The following GOLGA5 variants were observed in gnomAD, a reference collection of about 807,000 sequenced individuals.
GOLGA5 encodes the protein golgin subfamily A member 5.
In GOLGA5, 50 loss-of-function variants were observed where a neutral mutation model predicts 93.5. The observed-to-expected ratio is 0.53, with a 90% CI of 0.43 to 0.68. The LOEUF is 0.68. GOLGA5 is among the 30% of genes least tolerant of loss of function. The pLI, the probability that GOLGA5 is intolerant of heterozygous loss-of-function variation, is 0.00. For missense variants in GOLGA5, 760 were observed against 856.4 expected, an observed-to-expected ratio of 0.89 and a Z score of 1.40; for synonymous variants, 312 against 304.5, an observed-to-expected ratio of 1.02 and a Z score of -0.26.
At chr14:92,823,648 C>T (rs1369730174) in intron 8 of GOLGA5, among the ~76,000 whole-genome samples, 1 of 152,064 alleles carries the variant, frequency 6.6e-6, no homozygotes, top group Non-Finnish European at 1.5e-5. Flanking sequence ...CTCCTGGACT[C>T]AAGCAATTCA....
At chr14:92,838,638 T>C (rs7151752) in intron 12 of GOLGA5, among the ~76,000 whole-genome samples, 112,163 of 152,018 alleles carry the variant, frequency 0.74, 41,823 homozygotes, top group East Asian at 0.85. Context: ...AGTGCTGGGA[T>C]TACAGGTGTG....
At chr14:92,806,319 A>T (rs1566953821) in intron 2 of GOLGA5, among the ~76,000 whole-genome samples, 1 of 151,772 alleles carries the variant, frequency 6.6e-6, no homozygotes, top group Admixed American at 6.6e-5. Context: ...TTATTTATGT[A>T]TTTTTTTTGA....
chr14:92,815,484 C>G (rs927501764), intron 6 of GOLGA5, among the ~76,000 whole-genome samples: 16 of 152,030 alleles, frequency 1.1e-4, no homozygotes, highest in African/African-American at 3.9e-4. Context: ...CACTTAGCAC[C>G]ATTTACTTGT....
chr14:92,808,872 A>T (rs571998019), intron 3 of GOLGA5, among the ~76,000 whole-genome samples: 1 of 152,318 alleles, frequency 6.6e-6, no homozygotes, highest in African/African-American at 2.4e-5. Flanking sequence ...CAAAAGAATA[A>T]CATCTTTTTG....
At position 92,837,629 on chromosome 14, in the gene GOLGA5, T is replaced by G. The variant is rs975236066; in HGVS notation, c.2115+180T>G. ...CTGAGGCTGGAGTTCAGTGGTGCAG[T>G]CTTGGCTCACTGCAGCCTCTACCTC... On this transcript the variant is annotated intron_variant, in intron 12 of 12. Transcript: ENST00000163416. 5.3e-5 allele frequency among the ~76,000 whole-genome samples: 8 copies of G among 152,244 alleles called. No individual in the cohort carries two copies. In the East Asian group the frequency reaches 1.5e-3, roughly 29 times the overall value.
intron 9 of GOLGA5, among the ~76,000 whole-genome samples, chr14:92,832,558 C>T (rs1885552989): frequency 6.6e-6 from 1 of 152,208 alleles, no homozygotes; most frequent in African/African-American, 2.4e-5. Context: ...GCAACGGGTG[C>T]TGTCATCTTC....
chr14:92,798,581 C>G (rs58455544), intron 2 of GOLGA5, among the ~76,000 whole-genome samples: 3 of 152,202 alleles, frequency 2.0e-5, no homozygotes, highest in Non-Finnish European at 2.9e-5. Context: ...ATGAGATTAA[C>G]GTGGTAAATG....
At chr14:92,810,468 A>C in intron 5 of GOLGA5, 91 bp downstream of exon 5, 1 of 888,176 alleles carries the variant, frequency 1.1e-6, no homozygotes, top group Non-Finnish European at 1.6e-6. Flanking sequence ...TGTCTAATAT[A>C]ATTCTGCAAT....
Position 92,829,056 on chromosome 14 carries a change from C to T in GOLGA5, c.1720-4066C>T, listed in dbSNP as rs538331469. ...TTTGGCTCACTGCAACCTCCACCTC[C>T]TGGGCTCAAGTGATCCTCCCACTTC... On this transcript the variant is annotated intron_variant, in intron 9 of 12. Transcript: ENST00000163416. 2.0e-5 allele frequency among the ~76,000 whole-genome samples: 3 copies of T among 152,278 alleles called. No individual in the cohort carries two copies. In the East Asian group the frequency reaches 5.8e-4, roughly 29 times the overall value.
intron 9 of GOLGA5, among the ~76,000 whole-genome samples, chr14:92,830,161 A>G (rs1885500345): frequency 6.6e-6 from 1 of 152,210 alleles, no homozygotes; most frequent in African/African-American, 2.4e-5. Flanking sequence ...TCTACTAAAA[A>G]TACAAAATTA....
chr14:92,807,070 C>T (rs540738752), intron 3 of GOLGA5, 107 bp downstream of exon 3: 212 of 712,366 alleles, frequency 3.0e-4, no homozygotes, highest in East Asian at 9.2e-4. Context: ...GAGGCCGAGG[C>T]GGGCGGATTG....
In GOLGA5 at chr14:92,814,810, C is replaced by G. The variant is rs140332571; in HGVS notation, c.1321-1441C>G. Among the ~76,000 whole-genome samples, 437 of 152,212 alleles carry G rather than the reference C, an allele frequency of 2.9e-3. 3 individuals carry two copies. The highest frequency in any genetic ancestry group is 9.6e-3 in the African/African-American group (400 of 41,526). ...AAACTGGTCTTTGCATGTCAAATCT[C>G]TTCTTCAAACTCATCTTTTATCTCA... On this transcript the variant is annotated intron_variant, in intron 6 of 12. Transcript: ENST00000163416.
chr14:92,833,051 GT>G lies in GOLGA5; in HGVS notation c.1720-70del, dbSNP rs537782399. 85 of 828,050 alleles carry G rather than the reference GT, an allele frequency of 1.0e-4. No homozygotes were observed. In the African/African-American group the frequency reaches 1.3e-3, roughly 13 times the overall value. The allele number at this position is 828,050 out of a possible 1,614,324, so 51.3% of individuals were successfully genotyped here. A position where few individuals can be genotyped will look rare whatever the true frequency, so the allele number is the denominator to read the frequency against. On this transcript the variant is annotated intron_variant, in intron 9 of 12. Transcript: ENST00000163416. ...AATGCCACAATTTACCTATGAAAATGTAGTAGTGTGATTTCTGTATTGTATG... is the reference window on the plus strand; with the variant it reads ...AATGCCACAATTTACCTATGAAAATGAGTAGTGTGATTTCTGTATTGTATG...
intron 12 of GOLGA5, among the ~76,000 whole-genome samples, chr14:92,837,847 C>T (rs1885678853): frequency 6.6e-6 from 1 of 152,094 alleles, no homozygotes; most frequent in South Asian, 2.1e-4. Flanking sequence ...TTCAGGAATG[C>T]GCCAACGCAC....
chr14:92,839,399 T>C lies in GOLGA5; in HGVS notation c.2149T>C (p.Leu717=), dbSNP rs573623031. The C allele has an allele frequency of 8.2e-5, 133 of 1,612,730 alleles. 1 individual carries two copies. In the Middle Eastern group the frequency reaches 1.2e-3, roughly 14 times the overall value. ...LLHLWVMIVL[L]TYTPEMHHDQ... is the part of the protein sequence containing the mutation. ...TCACCTCTGGGTCATGATTGTTCTG[T>C]TGACTTACACACCAGAAATGCACCA... Residue 717 remains leucine, a synonymous_variant, in exon 13 of 13, where the codon TTG becomes CTG. Transcript: ENST00000163416.
intron 10 of GOLGA5, among the ~76,000 whole-genome samples, chr14:92,834,958 A>C (rs562956636): frequency 1.3e-5 from 2 of 152,312 alleles, no homozygotes; most frequent in African/African-American, 4.8e-5. Flanking sequence ...AGCTGACAGA[A>C]TATGTTGGCA....
Position 92,806,911 on chromosome 14 carries a change from T to G in GOLGA5, c.720T>G (p.Ser240=). ...AGCTGCTGAGGAATGAAGTTCAGTC[T>G]TTAAATCAAGAAATGGCCTCGTTAC... ...ENQLLRNEVQ[S]LNQEMASLLQ... is the part of the protein sequence containing the mutation. The change falls in exon 3 of 13, where the codon TCT becomes TCG. Residue 240 remains serine (S), a synonymous_variant. Transcript: ENST00000163416. 6.2e-7 allele frequency: 1 copy of G among 1,613,724 alleles called. No individual in the cohort carries two copies. Among genetic ancestry groups the G allele is most frequent in the Non-Finnish European group, 8.5e-7 (1 of 1,179,606 alleles).
chr14:92,836,380 C>T (rs890930832), intron 11 of GOLGA5, among the ~76,000 whole-genome samples: 2 of 152,170 alleles, frequency 1.3e-5, no homozygotes. Flanking sequence ...TGACTGAAGC[C>T]TCAGAACTAG....
intron 2 of GOLGA5, among the ~76,000 whole-genome samples, chr14:92,801,402 C>G (rs1884867083): frequency 6.6e-6 from 1 of 152,146 alleles, no homozygotes; most frequent in South Asian, 2.1e-4. Context: ...GGTTGAAGAT[C>G]TTTTCAGATA....
Sources: allele counts gnomAD v4.1 joint callset (sites outside exome capture counted in the v4.1 genomes callset), GRCh38; gene constraint gnomAD v4.1.1; transcripts MANE v1.5; gene names NCBI Gene and HGNC (gene_info 2026-07-23, HGNC 2026-07-21).